BPIFB4: variants seen among roughly 807,000 people sequenced by gnomAD.
The protein encoded by BPIFB4 is BPI fold containing family B member 4.
In BPIFB4, 62 loss-of-function variants were observed where a neutral mutation model predicts 69.2. The ratio of observed to expected loss-of-function variants is 0.90; its 90% CI spans 0.73 to 1.11. The LOEUF is 1.11. Among genes scored for constraint, BPIFB4 ranks in the 50% least tolerant of loss-of-function variants. BPIFB4 has a pLI of 0.00. For synonymous variants in BPIFB4, 330 were observed against 332.7 expected, an observed-to-expected ratio of 0.99 and a Z score of 0.09; for missense variants, 789 against 792.0, an observed-to-expected ratio of 1.00 and a Z score of 0.04.
intron 16 of BPIFB4, among the ~76,000 whole-genome samples, chr20:33,107,068 G>A (rs1214059446): frequency 6.6e-6 from 1 of 152,044 alleles, no homozygotes; most frequent in Non-Finnish European, 1.5e-5. Context: ...GCTGGGCGTG[G>A]TGGCGCACGC....
intron 12 of BPIFB4, among the ~76,000 whole-genome samples, 175 bp downstream of exon 12, chr20:33,095,328 C>G (rs781226486): frequency 6.6e-6 from 1 of 152,022 alleles, no homozygotes. Flanking sequence ...TGGGTGGGGG[C>G]GGGGGAAGAC....
At chr20:33,096,630 G>A (rs1352463821) in intron 12 of BPIFB4, among the ~76,000 whole-genome samples, 1 of 152,208 alleles carries the variant, frequency 6.6e-6, no homozygotes, top group African/African-American at 2.4e-5. Context: ...GGACCAAAGA[G>A]GAGAAGCACA....
At chr20:33,085,073 A>G in intron 6 of BPIFB4, 77 bp downstream of exon 6, 2 of 1,537,434 alleles carry the variant, frequency 1.3e-6, no homozygotes, top group Non-Finnish European at 1.7e-6. Context: ...GAGGCTAGGA[A>G]GACCTAAACT....
chr20:33,083,230 T>TG, intron 4 of BPIFB4, 137 bp from the exon 5 acceptor site: 2 of 384,096 alleles, frequency 5.2e-6, no homozygotes, highest in Non-Finnish European at 7.8e-6. Flanking sequence ...GTGGCAGTGG[T>TG]GGGGGGCTGC....
chr20:33,107,460 AAAAC>A (rs758530369), intron 16 of BPIFB4, among the ~76,000 whole-genome samples: 106 of 152,006 alleles, frequency 7.0e-4, no homozygotes, highest in South Asian at 2.5e-3. Flanking sequence ...AACAAAAAAC[AAAAC>A]AAACAAACAA....
At chr20:33,108,241 A>G (rs559749063) in intron 17 of BPIFB4, among the ~76,000 whole-genome samples, 3 of 152,120 alleles carry the variant, frequency 2.0e-5, no homozygotes, top group South Asian at 2.1e-4. Context: ...TCTTAGCCCA[A>G]TGGGGAGATG....
At chr20:33,093,007 A>G (rs980739162) in intron 11 of BPIFB4, among the ~76,000 whole-genome samples, 7 of 152,242 alleles carry the variant, frequency 4.6e-5, no homozygotes, top group African/African-American at 1.7e-4. Flanking sequence ...AAACACTAAT[A>G]CATAAGTAAC....
rs575666496 is a variant in BPIFB4 at position 33,090,772 on chromosome 20, C to A, written c.1116C>A (p.Thr372=). 124 of 1,614,028 alleles carry A rather than the reference C, an allele frequency of 7.7e-5. 1 individual carries two copies. Among genetic ancestry groups the A allele is most frequent in the Middle Eastern group, 4.9e-4 (3 of 6,084 alleles). ...CCTTCTCCAGCCTCCCGCTTGTGAC[C>A]GGGGAATTCCTGGAGCTGGACCTCA... The part of the protein sequence containing the change: ...QYTFSSLPLV[T]GEFLELDLNT... Residue 372 remains threonine, a synonymous_variant, in exon 10 of 18, where the codon ACC becomes ACA. Coordinates refer to ENST00000375483, the MANE Select transcript of BPIFB4 (RefSeq NM_182519.3).
intron 11 of BPIFB4, among the ~76,000 whole-genome samples, chr20:33,093,754 C>T (rs1981677786): frequency 6.6e-6 from 1 of 150,400 alleles, no homozygotes; most frequent in Non-Finnish European, 1.5e-5. Context: ...AATCCATCCA[C>T]CTATCCATCT....
At chr20:33,095,012 G>C in intron 11 of BPIFB4, 88 bp from the exon 12 acceptor site, 1 of 1,301,840 alleles carries the variant, frequency 7.7e-7, no homozygotes, top group Non-Finnish European at 1.1e-6. Context: ...GTGTTGTAAA[G>C]CATGTAGGAG....
chr20:33,102,441 C>G (rs537316195), intron 14 of BPIFB4, among the ~76,000 whole-genome samples: 1 of 152,220 alleles, frequency 6.6e-6, no homozygotes, highest in Admixed American at 6.5e-5. Context: ...CCTCAAACCC[C>G]GGCCTCAGCC....
At chr20:33,094,865 C>T (rs150197897) in intron 11 of BPIFB4, among the ~76,000 whole-genome samples, 4 of 152,332 alleles carry the variant, frequency 2.6e-5, no homozygotes, top group Non-Finnish European at 5.9e-5. Context: ...CTTTGAAACA[C>T]TCCTTGGTCA....
At chr20:33,098,621 T>C (rs1315535814) in intron 13 of BPIFB4, among the ~76,000 whole-genome samples, 3 of 151,832 alleles carry the variant, frequency 2.0e-5, no homozygotes, top group Non-Finnish European at 4.4e-5. Context: ...GGCACACACC[T>C]GTAGTCCCAG....
chr20:33,107,092 TACTC>T (rs927625502), intron 16 of BPIFB4, among the ~76,000 whole-genome samples: 4 of 151,962 alleles, frequency 2.6e-5, no homozygotes, highest in Non-Finnish European at 5.9e-5. Context: ...TAGTCCCAGT[TACTC>T]AGGAGGCTGA....
In BPIFB4 at chr20:33,085,001, G is replaced by T. The variant is rs779370002; in HGVS notation, c.782+5G>T. The T allele has an allele frequency of 1.2e-6, 2 of 1,610,528 alleles. No homozygotes were observed. The highest frequency in any genetic ancestry group is 8.5e-7 in the Non-Finnish European group (1 of 1,179,584). On this transcript the variant is annotated splice_donor_5th_base_variant and intron_variant, in intron 6 of 17. Coordinates refer to ENST00000375483, the MANE Select transcript of BPIFB4 (RefSeq NM_182519.3). ...TGTGGCCATCAACGGGAAGAGGTGCGTGCCCTTGGCCCTGGAGGGGTCCCC... is the reference window on the plus strand; with the variant it reads ...TGTGGCCATCAACGGGAAGAGGTGCTTGCCCTTGGCCCTGGAGGGGTCCCC...
chr20:33,111,489 A>T lies in BPIFB4; in HGVS notation c.*52A>T. The T allele has an allele frequency of 6.2e-7, 1 of 1,610,634 alleles. No individual in the cohort carries two copies. The stretch of plus-strand genomic sequence containing the variant: ...ACTGGAAGAAGCTGGAACCAGTCCC[A>T]GAGAGGCTCGGCCTGGAAACAGTCC... On this transcript the variant is annotated 3_prime_UTR_variant, in exon 18 of 18. Coordinates refer to ENST00000375483, the MANE Select transcript of BPIFB4 (RefSeq NM_182519.3).
In BPIFB4 at chr20:33,081,504, C is replaced by T. The variant is rs892050508; in HGVS notation, c.-15-8C>T. The T allele has an allele frequency of 8.4e-6, 13 of 1,551,338 alleles. No individual in the cohort carries two copies. The highest frequency in any genetic ancestry group is 3.3e-4 in the Middle Eastern group (2 of 6,014). On this transcript the variant is annotated splice_polypyrimidine_tract_variant and splice_region_variant and intron_variant, in intron 2 of 17. Transcript: ENST00000375483. ...GCCACATCTGCATCTGCACTTTCTC[C>T]TCCACAGGGAAGCAGTGCCAGCATG...
At chr20:33,084,191 G>T (rs554939760) in intron 5 of BPIFB4, among the ~76,000 whole-genome samples, 1 of 152,256 alleles carries the variant, frequency 6.6e-6, no homozygotes, top group South Asian at 2.1e-4. Context: ...AGACCCCAAG[G>T]ATTTAAAAAC....
chr20:33,082,016 A>G (rs1981246225), intron 3 of BPIFB4, among the ~76,000 whole-genome samples: 2 of 152,236 alleles, frequency 1.3e-5, no homozygotes, highest in Non-Finnish European at 2.9e-5. Flanking sequence ...AACTGATATG[A>G]GAATGAAATG....
Sources: allele counts gnomAD v4.1 joint callset (sites outside exome capture counted in the v4.1 genomes callset), GRCh38; gene constraint gnomAD v4.1.1; transcripts MANE v1.5; gene names NCBI Gene and HGNC (gene_info 2026-07-23, HGNC 2026-07-21).